The following PTPRD variants were observed in gnomAD, a reference collection of about 807,000 sequenced individuals.
PTPRD encodes receptor-type tyrosine-protein phosphatase delta.
Under a neutral mutation model 214.5 loss-of-function variants are expected in PTPRD, and 34 were observed. The observed-to-expected ratio is 0.16, with a 90% CI of 0.12 to 0.21. The LOEUF is 0.21. Among genes scored for constraint, PTPRD ranks in the 10% least tolerant of loss-of-function variants. The pLI is 1.00. For synonymous variants in PTPRD, 1,128 were observed against 845.7 expected, an observed-to-expected ratio of 1.33 and a Z score of -5.79; for missense variants, 2,545 against 2,398.7, an observed-to-expected ratio of 1.06 and a Z score of -1.27.
chr9:10,221,791 T>C (rs545997780), intron 3 of PTPRD, among the ~76,000 whole-genome samples: 7 of 151,988 alleles, frequency 4.6e-5, no homozygotes, highest in Non-Finnish European at 1.0e-4. Flanking sequence ...AACTGTTTTT[T>C]TTTTCCATTT....
rs2382103 is a variant in PTPRD at position 10,002,381 on chromosome 9, T to C, written c.-472+31337A>G. On this transcript the variant is annotated intron_variant, in intron 4 of 45. Transcript: ENST00000381196. ...AGAATTCCAATTTAAATGCTGAGGT[T>C]GGGAGAATAGATTAGTTTTTAAAAA... Among the ~76,000 whole-genome samples, 866 of 148,274 alleles carry C rather than the reference T, an allele frequency of 5.8e-3. 8 individuals carry two copies. The highest frequency in any genetic ancestry group is 0.02 in the African/African-American group (808 of 41,092).
At chr9:9,385,382 G>T (rs2063565725) in intron 9 of PTPRD, among the ~76,000 whole-genome samples, 1 of 152,140 alleles carries the variant, frequency 6.6e-6, no homozygotes, top group Non-Finnish European at 1.5e-5. Context: ...AGAGGAAAGT[G>T]AGATAAATGA....
chr9:10,138,450 T>C (rs60597427), intron 3 of PTPRD, among the ~76,000 whole-genome samples: 40,568 of 151,484 alleles, frequency 0.27, 5,546 homozygotes, highest in South Asian at 0.4. Context: ...AAACAAAAAG[T>C]CCAGGACCAG....
intron 4 of PTPRD, among the ~76,000 whole-genome samples, chr9:9,944,879 G>A (rs189348996): frequency 1.3e-5 from 2 of 152,052 alleles, no homozygotes; most frequent in African/African-American, 4.8e-5. Context: ...AGAAGGTCCA[G>A]TTTGGCCAGA....
At chr9:10,120,813 T>A (rs978673797) in intron 3 of PTPRD, among the ~76,000 whole-genome samples, 3 of 152,184 alleles carry the variant, frequency 2.0e-5, no homozygotes, top group Non-Finnish European at 4.4e-5. Flanking sequence ...ATCTTAATAA[T>A]TGCAGGCCAA....
intron 10 of PTPRD, among the ~76,000 whole-genome samples, chr9:9,149,847 G>C (rs1592461110): frequency 1.3e-5 from 2 of 152,168 alleles, no homozygotes; most frequent in East Asian, 1.9e-4. Context: ...GCGTATCACT[G>C]AGGCAACTCC....
intron 11 of PTPRD, among the ~76,000 whole-genome samples, chr9:9,002,380 C>T (rs2099427772): frequency 6.6e-6 from 1 of 151,696 alleles, no homozygotes; most frequent in Non-Finnish European, 1.5e-5. Flanking sequence ...ATTAGGCAGC[C>T]CATACTAAAG....
rs1458425520 is a variant in PTPRD at position 10,236,700 on chromosome 9, T to C, written c.-545+104263A>G. Among the ~76,000 whole-genome samples the C allele has an allele frequency of 2.0e-5, 3 of 151,940 alleles. No individual in the cohort carries two copies. The East Asian group carries it at 5.8e-4, about 29-fold the overall frequency. ...ATATTGAAAATCTATTACCACACTC[T>C]AAGCTCAACTATGACATCTCTCAAA... On this transcript the variant is annotated intron_variant, in intron 3 of 45. Transcript: ENST00000381196.
At chr9:9,177,558 C>A (rs1184332414) in intron 10 of PTPRD, among the ~76,000 whole-genome samples, 1 of 151,814 alleles carries the variant, frequency 6.6e-6, no homozygotes, top group Non-Finnish European at 1.5e-5. Flanking sequence ...TCATTATGAA[C>A]TCAAATTAAA....
intron 14 of PTPRD, among the ~76,000 whole-genome samples, chr9:8,599,613 CTTTTTTTTTTTTTT>C (rs1172437057): frequency 1.9e-5 from 1 of 53,442 alleles, no homozygotes; most frequent in South Asian, 8.4e-4. Flanking sequence ...CCCGCCCACC[CTTTTTTTTTTTTTT>C]TTTTTTTTTT....
intron 14 of PTPRD, among the ~76,000 whole-genome samples, chr9:8,539,124 C>G (rs2077700229): frequency 1.3e-5 from 2 of 151,950 alleles, no homozygotes; most frequent in Non-Finnish European, 2.9e-5. Context: ...ACAGTATTAA[C>G]AAGTTATAAC....
intron 30 of PTPRD, among the ~76,000 whole-genome samples, chr9:8,472,392 C>T (rs2096670483): frequency 6.6e-6 from 1 of 152,154 alleles, no homozygotes; most frequent in Non-Finnish European, 1.5e-5. Flanking sequence ...AGAGACCAAT[C>T]ACAGAGACCA....
chr9:9,376,050 C>T (rs148574216), intron 9 of PTPRD, among the ~76,000 whole-genome samples: 17 of 146,684 alleles, frequency 1.2e-4, no homozygotes, highest in East Asian at 8.2e-4. Flanking sequence ...TAATATAAAG[C>T]GCAAGAAAAT....
intron 14 of PTPRD, among the ~76,000 whole-genome samples, chr9:8,605,508 T>C (rs2095152939): frequency 6.6e-6 from 1 of 152,170 alleles, no homozygotes; most frequent in South Asian, 2.1e-4. Flanking sequence ...TGAAGACTCC[T>C]CAGTGGTTAC....
chr9:9,881,622 G>T (rs796637102), intron 5 of PTPRD, among the ~76,000 whole-genome samples: 2 of 152,070 alleles, frequency 1.3e-5, no homozygotes, highest in Non-Finnish European at 2.9e-5. Flanking sequence ...TAGCTTTGGG[G>T]GCATAGCAAA....
intron 3 of PTPRD, among the ~76,000 whole-genome samples, chr9:10,080,493 A>G (rs1474726814): frequency 6.6e-6 from 1 of 152,036 alleles, no homozygotes; most frequent in Non-Finnish European, 1.5e-5. Flanking sequence ...GAAACAAGAA[A>G]ATTGGGAATG....
chr9:9,749,808 T>G (rs934780621), intron 6 of PTPRD, among the ~76,000 whole-genome samples: 1 of 152,176 alleles, frequency 6.6e-6, no homozygotes, highest in Non-Finnish European at 1.5e-5. Context: ...TTAGTCACGC[T>G]TCCTGTCTCT....
At chr9:9,264,852 C>T (rs1938382911) in intron 9 of PTPRD, among the ~76,000 whole-genome samples, 1 of 150,652 alleles carries the variant, frequency 6.6e-6, no homozygotes, top group Non-Finnish European at 1.5e-5. Context: ...CAGCAGAAGC[C>T]TTGCAGGCCA....
At chr9:8,918,777 G>C (rs1011755073) in intron 11 of PTPRD, among the ~76,000 whole-genome samples, 3 of 152,056 alleles carry the variant, frequency 2.0e-5, no homozygotes, top group Admixed American at 6.6e-5. Flanking sequence ...ATCACCCAAA[G>C]GCTAGTTTAT....
Sources: allele counts gnomAD v4.1 joint callset (sites outside exome capture counted in the v4.1 genomes callset), GRCh38; gene constraint gnomAD v4.1.1; transcripts MANE v1.5; gene names NCBI Gene and HGNC (gene_info 2026-07-23, HGNC 2026-07-21).